The following SLC17A1 variants were observed in gnomAD, a reference collection of about 807,000 sequenced individuals.
SLC17A1 encodes solute carrier family 17 member 1, also known as sodium-dependent phosphate transport protein 1.
Under a neutral mutation model 53.5 loss-of-function variants are expected in SLC17A1, and 51 were observed. The ratio of observed to expected loss-of-function variants is 0.95; its 90% confidence interval spans 0.76 to 1.20. SLC17A1 has a LOEUF of 1.20. Ranked by LOEUF, SLC17A1 falls within the 50% of genes most tolerant of loss-of-function variation. The pLI, the probability that SLC17A1 is intolerant of heterozygous loss-of-function variation, is 0.00. For synonymous variants in SLC17A1, 179 were observed against 198.8 expected (o/e 0.90, Z 0.84); for missense variants, 538 against 568.2 (o/e 0.95, Z 0.54).
In SLC17A1 at chr6:25,784,925, AG is replaced by A. The variant is rs1220086603; in HGVS notation, c.*3-1708del. On this transcript the variant is annotated intron_variant, in intron 12 of 12. Coordinates refer to ENST00000244527, the MANE Select transcript of SLC17A1 (RefSeq NM_005074.5). Reference sequence around the variant, plus strand: ...GGGTTCTATACAGGGCAATTAGGCAAGGGAAATAAATAAAAGGAAACTAGAT... The same window carrying A: ...GGGTTCTATACAGGGCAATTAGGCAAGGAAATAAATAAAAGGAAACTAGAT... Among the ~76,000 whole-genome samples the A allele has an allele frequency of 2.0e-5, 3 of 152,222 alleles. No homozygotes were observed. In the East Asian group the frequency reaches 5.8e-4, roughly 29 times the overall value.
intron 3 of SLC17A1, among the ~76,000 whole-genome samples, chr6:25,821,338 G>T (rs571012753): frequency 1.3e-3 from 205 of 152,250 alleles, no homozygotes; most frequent in Middle Eastern, 0.01. Context: ...GAAAAATCTG[G>T]TAGGAGTGAC....
At chr6:25,727,398 GGT>G in the SLC17A1 span, 1 of 888,120 alleles carries the variant, frequency 1.1e-6, no homozygotes, top group Non-Finnish European at 1.6e-6. Context: ...TAACCGTAAG[GGT>G]TTTTTTTTTT....
Position 25,811,775 on chromosome 6 carries a change from A to G in SLC17A1, c.898-5T>C, listed in dbSNP as rs1272697163. 24 of 1,613,450 alleles carry G rather than the reference A, an allele frequency of 1.5e-5. No individual in the cohort carries two copies. The highest frequency in any genetic ancestry group is 2.0e-5 in the Non-Finnish European group (24 of 1,179,648). ...AAGGGAAGACAAGAACCCATTCTGAAGAGGAAACATTATTCTTGGAGTGAG... is the reference window on the plus strand; with the variant it reads ...AAGGGAAGACAAGAACCCATTCTGAGGAGGAAACATTATTCTTGGAGTGAG... On this transcript the variant is annotated splice_region_variant and splice_polypyrimidine_tract_variant and intron_variant, in intron 8 of 12. Coordinates refer to ENST00000244527, the MANE Select transcript of SLC17A1 (RefSeq NM_005074.5).
intron 11 of SLC17A1, among the ~76,000 whole-genome samples, chr6:25,800,635 TA>T (rs1042505301): frequency 6.6e-6 from 1 of 152,158 alleles, no homozygotes; most frequent in Non-Finnish European, 1.5e-5. Flanking sequence ...TTATCAAAAA[TA>T]ACAGAAGTCC....
At chr6:25,776,904 A>G in the SLC17A1 span, 1 of 1,613,838 alleles carries the variant, frequency 6.2e-7, no homozygotes, top group Non-Finnish European at 8.5e-7. Flanking sequence ...GTCTTCTGCC[A>G]TCAGCAGCTT....
the SLC17A1 span, chr6:25,731,742 G>T: frequency 3.7e-6 from 5 of 1,366,394 alleles, no homozygotes; most frequent in Non-Finnish European, 5.0e-6. Context: ...TCTTAAAAGA[G>T]CCTTTGGTTT....
chr6:25,796,081 ACTCTGTGCCTT>A (rs1313736300), intron 12 of SLC17A1, among the ~76,000 whole-genome samples: 3 of 152,010 alleles, frequency 2.0e-5, no homozygotes, highest in Non-Finnish European at 4.4e-5. Flanking sequence ...GCTGTGCCCC[ACTCTGTGCCTT>A]GGAAATAGAG....
At chr6:25,816,973 G>A (rs1025587253) in intron 6 of SLC17A1, among the ~76,000 whole-genome samples, 166 of 151,706 alleles carry the variant, frequency 1.1e-3, no homozygotes, top group African/African-American at 3.6e-3. Flanking sequence ...TCAGCCTTCC[G>A]AGTAGCTGGG....
At chr6:25,793,840 T>C (rs975300040) in intron 12 of SLC17A1, among the ~76,000 whole-genome samples, 3 of 152,190 alleles carry the variant, frequency 2.0e-5, no homozygotes, top group African/African-American at 7.2e-5. Flanking sequence ...GACTTAGATA[T>C]CAATAAAAAT....
intron 8 of SLC17A1, among the ~76,000 whole-genome samples, chr6:25,812,615 T>C (rs1010537554): frequency 6.6e-6 from 1 of 152,168 alleles, no homozygotes; most frequent in Admixed American, 6.5e-5. Context: ...GATGCATGTG[T>C]GCTGTTGCTG....
chr6:25,827,759 T>C (rs967839232), intron 2 of SLC17A1, among the ~76,000 whole-genome samples: 2 of 152,194 alleles, frequency 1.3e-5, no homozygotes, highest in Non-Finnish European at 2.9e-5. Flanking sequence ...GCTTAATGTT[T>C]GCTTAAATAA....
chr6:25,806,644 A>G (rs1763963925), intron 10 of SLC17A1, among the ~76,000 whole-genome samples: 2 of 152,150 alleles, frequency 1.3e-5, no homozygotes, highest in African/African-American at 4.8e-5. Flanking sequence ...TAAGACCCCA[A>G]AAACAAATGC....
intron 3 of SLC17A1, among the ~76,000 whole-genome samples, chr6:25,824,502 GTATT>G (rs1764672130): frequency 6.6e-6 from 1 of 151,718 alleles, no homozygotes; most frequent in Non-Finnish European, 1.5e-5. Flanking sequence ...AATGTTTTGA[GTATT>G]TATAACATAT....
At chr6:25,831,382 T>C (rs2151512878) in intron 1 of SLC17A1, among the ~76,000 whole-genome samples, 1 of 152,276 alleles carries the variant, frequency 6.6e-6, no homozygotes, top group South Asian at 2.1e-4. Context: ...AAAATATTTT[T>C]GAATAAGCAA....
chr6:25,743,236 G>T, the SLC17A1 span, among the ~76,000 whole-genome samples: 1 of 152,120 alleles, frequency 6.6e-6, no homozygotes, highest in Non-Finnish European at 1.5e-5. Context: ...ACAAGCTCAA[G>T]AAATAAAATT....
chr6:25,821,387 C>T (rs947470952), intron 3 of SLC17A1, among the ~76,000 whole-genome samples: 35 of 152,176 alleles, frequency 2.3e-4, no homozygotes, highest in African/African-American at 7.7e-4. Context: ...GAGGCACATC[C>T]TTATAGTAGC....
chr6:25,726,553 C>T, the SLC17A1 span: 8 of 1,589,320 alleles, frequency 5.0e-6, no homozygotes, highest in Admixed American at 1.7e-5. Flanking sequence ...TGCAGCAACA[C>T]GAGAACCACA....
At chr6:25,751,081 G>T in the SLC17A1 span, among the ~76,000 whole-genome samples, 1 of 152,182 alleles carries the variant, frequency 6.6e-6, no homozygotes, top group Non-Finnish European at 1.5e-5. Context: ...GTGCAATTCT[G>T]TCTGCAATTA....
At chr6:25,768,957 G>A in the SLC17A1 span, 2 of 1,604,886 alleles carry the variant, frequency 1.2e-6, no homozygotes, top group South Asian at 2.2e-5. Context: ...CATTCTGATT[G>A]TGATTTTTCA....
Sources: allele counts gnomAD v4.1 joint callset (sites outside exome capture counted in the v4.1 genomes callset), GRCh38; gene constraint gnomAD v4.1.1; transcripts MANE v1.5; gene names NCBI Gene and HGNC (gene_info 2026-07-23, HGNC 2026-07-21).